The following LRP1B variants were observed in gnomAD, a reference collection of about 807,000 sequenced individuals.
The protein encoded by LRP1B is LDL receptor related protein 1B, also known as low-density lipoprotein receptor-related protein 1B.
LRP1B carries 217 observed loss-of-function variants against 556.6 expected under a neutral mutation model. That is an observed-to-expected ratio of 0.39 (90% CI 0.35 to 0.44). The LOEUF (loss-of-function observed/expected upper bound fraction) is 0.44. Ranked by LOEUF, LRP1B falls within the 20% of genes least tolerant of loss-of-function variation. LRP1B has a pLI of 1.00. For synonymous variants in LRP1B, 2,047 were observed against 1,865.8 expected, an observed-to-expected ratio of 1.10 and a Z score of -2.50; for missense variants, 5,053 against 5,620.8, an observed-to-expected ratio of 0.90 and a Z score of 3.23.
intron 11 of LRP1B, among the ~76,000 whole-genome samples, chr2:141,038,649 T>C (rs1187529110): frequency 6.6e-6 from 1 of 152,118 alleles, no homozygotes; most frequent in Non-Finnish European, 1.5e-5. Context: ...AGGTAGTGCT[T>C]CCTACTTTGG....
chr2:140,347,681 T>C (rs919368177), intron 77 of LRP1B, among the ~76,000 whole-genome samples: 4 of 152,052 alleles, frequency 2.6e-5, no homozygotes, highest in Non-Finnish European at 5.9e-5. Flanking sequence ...TTTGGTTCAC[T>C]GACAATGGAG....
At chr2:140,533,972 G>A (rs779537972) in intron 47 of LRP1B, 49 bp downstream of exon 47, 1 of 1,603,550 alleles carries the variant, frequency 6.2e-7, no homozygotes, top group Admixed American at 1.7e-5. Flanking sequence ...AAAAGTTCAG[G>A]AAACACTTAG....
At chr2:142,003,891 C>G (rs899535551) in intron 1 of LRP1B, among the ~76,000 whole-genome samples, 1 of 152,198 alleles carries the variant, frequency 6.6e-6, no homozygotes, top group Non-Finnish European at 1.5e-5. Flanking sequence ...CCTTGCCCTG[C>G]CACATATTAT....
intron 67 of LRP1B, among the ~76,000 whole-genome samples, chr2:140,378,695 T>C (rs1219960139): frequency 6.6e-6 from 1 of 152,230 alleles, no homozygotes; most frequent in Non-Finnish European, 1.5e-5. Flanking sequence ...CTGTTTATTA[T>C]TAACTGGGCA....
chr2:140,366,899 T>A (rs1225512264), intron 71 of LRP1B, among the ~76,000 whole-genome samples: 1 of 151,690 alleles, frequency 6.6e-6, no homozygotes, highest in Non-Finnish European at 1.5e-5. Flanking sequence ...TGATAATAAT[T>A]CAGTAGATAA....
At chr2:141,990,978 G>C (rs951670349) in intron 1 of LRP1B, among the ~76,000 whole-genome samples, 1 of 151,860 alleles carries the variant, frequency 6.6e-6, no homozygotes, top group African/African-American at 2.4e-5. Context: ...GTGGTTCTTC[G>C]GGTAACTGGT....
chr2:140,757,544 A>G (rs932348566), intron 35 of LRP1B, among the ~76,000 whole-genome samples: 1 of 152,236 alleles, frequency 6.6e-6, no homozygotes, highest in Non-Finnish European at 1.5e-5. Flanking sequence ...AACATATCAT[A>G]TGATTCCATT....
chr2:140,643,907 G>A (rs1574183431), intron 41 of LRP1B, among the ~76,000 whole-genome samples: 1 of 152,132 alleles, frequency 6.6e-6, no homozygotes. Flanking sequence ...AGAGAAAACA[G>A]TAGGAAAGGT....
At chr2:141,603,413 T>G (rs563162861) in intron 2 of LRP1B, among the ~76,000 whole-genome samples, 10 of 152,312 alleles carry the variant, frequency 6.6e-5, no homozygotes, top group Admixed American at 2.6e-4. Context: ...TGAAAAGTGC[T>G]TGTTCTCCTT....
intron 66 of LRP1B, among the ~76,000 whole-genome samples, chr2:140,388,677 CAT>C (rs1353730468): frequency 6.6e-6 from 1 of 152,182 alleles, no homozygotes; most frequent in Non-Finnish European, 1.5e-5. Flanking sequence ...ATACAAACGA[CAT>C]AGCATTGTTC....
At chr2:141,956,303 G>T (rs1481471006) in intron 1 of LRP1B, among the ~76,000 whole-genome samples, 1 of 151,986 alleles carries the variant, frequency 6.6e-6, no homozygotes, top group Admixed American at 6.6e-5. Context: ...AATGTTTGTT[G>T]TATCTCATGG....
At position 141,628,858 on chromosome 2, in the gene LRP1B, C is replaced by G. The variant is rs537406210; in HGVS notation, c.206-148325G>C. On this transcript the variant is annotated intron_variant, in intron 2 of 90. Coordinates refer to ENST00000389484, the MANE Select transcript of LRP1B (RefSeq NM_018557.3). Reference sequence around the variant, plus strand: ...AAGATGAGGTCTCATCATTTTGCCCCAGGCTGGTCTTGAACCCCTGAGCTC... The same window carrying G: ...AAGATGAGGTCTCATCATTTTGCCCGAGGCTGGTCTTGAACCCCTGAGCTC... 3.9e-5 allele frequency among the ~76,000 whole-genome samples: 6 copies of G among 152,150 alleles called. No homozygotes were observed. The South Asian group carries it at 1.2e-3, about 32-fold the overall frequency.
intron 86 of LRP1B, among the ~76,000 whole-genome samples, chr2:140,265,543 A>T (rs987804900): frequency 6.6e-6 from 1 of 152,126 alleles, no homozygotes; most frequent in Non-Finnish European, 1.5e-5. Context: ...TGTCACCTTC[A>T]TAGATCTGGA....
chr2:141,361,118 T>C (rs2105565129), intron 3 of LRP1B, among the ~76,000 whole-genome samples: 1 of 152,288 alleles, frequency 6.6e-6, no homozygotes, highest in East Asian at 1.9e-4. Context: ...TTTTGAATTT[T>C]AAAATCAGAC....
chr2:140,910,928 T>C (rs1694400339), intron 21 of LRP1B, among the ~76,000 whole-genome samples: 1 of 151,790 alleles, frequency 6.6e-6, no homozygotes, highest in Non-Finnish European at 1.5e-5. Context: ...TTTTAGAAAA[T>C]GTTTTCATAA....
chr2:140,761,881 G>A (rs1236588587), intron 35 of LRP1B, among the ~76,000 whole-genome samples: 1 of 152,098 alleles, frequency 6.6e-6, no homozygotes, highest in Admixed American at 6.6e-5. Context: ...TTGTTATACA[G>A]TAATAGATAA....
intron 63 of LRP1B, among the ~76,000 whole-genome samples, chr2:140,450,167 A>T (rs1232189395): frequency 1.3e-5 from 2 of 152,182 alleles, no homozygotes; most frequent in African/African-American, 2.4e-5. Flanking sequence ...AAGAAATTAT[A>T]TTACTTAAAG....
chr2:140,739,708 G>A (rs369299274), intron 35 of LRP1B, among the ~76,000 whole-genome samples: 6 of 152,144 alleles, frequency 3.9e-5, no homozygotes, highest in East Asian at 1.9e-4. Context: ...AAAAAATACC[G>A]CTGATTGGAT....
chr2:141,534,131 G>GGTA (rs1335655014), intron 2 of LRP1B, among the ~76,000 whole-genome samples: 6 of 152,070 alleles, frequency 3.9e-5, no homozygotes, highest in Non-Finnish European at 7.4e-5. Flanking sequence ...AAATTGCAGA[G>GGTA]GTAGTCCATC....
Sources: allele counts gnomAD v4.1 joint callset (sites outside exome capture counted in the v4.1 genomes callset), GRCh38; gene constraint gnomAD v4.1.1; transcripts MANE v1.5; gene names NCBI Gene and HGNC (gene_info 2026-07-23, HGNC 2026-07-21).